C2CD2: variants seen among roughly 807,000 people sequenced by gnomAD.
C2CD2 encodes C2 domain-containing protein 2.
C2CD2 carries 43 observed loss-of-function variants against 74.3 expected under a neutral mutation model. That is an observed-to-expected ratio of 0.58 (90% confidence interval 0.45 to 0.75). The LOEUF is 0.75. Among genes scored for constraint, C2CD2 ranks in the 30% least tolerant of loss-of-function variants. C2CD2 has a pLI of 0.00. For missense variants in C2CD2, 801 were observed against 916.3 expected (o/e 0.87, Z 1.63); for synonymous variants, 422 against 390.7 (o/e 1.08, Z -0.94).
rs756400909 is a variant in C2CD2 at position 41,926,074 on chromosome 21, G to A, written c.379-3989C>T. Among the ~76,000 whole-genome samples, 1 of 152,116 alleles carries A rather than the reference G, an allele frequency of 6.6e-6. No individual in the cohort carries two copies. The highest frequency in any genetic ancestry group is 1.5e-5 in the Non-Finnish European group (1 of 68,026). On this transcript the variant is annotated intron_variant, in intron 2 of 13. Transcript: ENST00000380486. The surrounding 1 kb of genome is among the most constrained non-coding windows in gnomAD (Gnocchi z 8.0). ...AAATAGAAGCAATTATTTGGCATAG[G>A]CGGCAGTGACAGTGAACTCCTCAGA...
In C2CD2 at chr21:41,945,807, C is replaced by T. The variant is rs1008437971; in HGVS notation, c.280-3562G>A. ...TGCCGCCTTATGAAGAAGGTGACGG[C>T]TTTCCCTACCATCATGATTGTAAGT... On this transcript the variant is annotated intron_variant, in intron 1 of 13. Transcript: ENST00000380486. This position sits in a 1 kb window ranked among gnomAD's most constrained non-coding sequence, Gnocchi z 4.2. Among the ~76,000 whole-genome samples, 1 of 152,224 alleles carries T rather than the reference C, an allele frequency of 6.6e-6. No individual in the cohort carries two copies. The highest frequency in any genetic ancestry group is 2.4e-5 in the African/African-American group (1 of 41,458).
intron 1 of C2CD2, among the ~76,000 whole-genome samples, chr21:41,944,681 C>T (rs2065384655): frequency 1.3e-5 from 2 of 152,164 alleles, no homozygotes; most frequent in East Asian, 1.9e-4. Context: ...CTGCCTGCCA[C>T]ACACAACCAC....
intron 1 of C2CD2, among the ~76,000 whole-genome samples, chr21:41,952,340 G>C (rs965968132): frequency 1.3e-5 from 2 of 152,202 alleles, no homozygotes; most frequent in African/African-American, 4.8e-5. Flanking sequence ...CCATGCACAA[G>C]GACCAGGCAC....
In C2CD2 at chr21:41,926,462, G is replaced by T. The variant is rs2065214132; in HGVS notation, c.379-4377C>A. 2 of 943,826 alleles carry T rather than the reference G, an allele frequency of 2.1e-6. No homozygotes were observed. Among genetic ancestry groups the T allele is most frequent in the Non-Finnish European group, 2.5e-6 (2 of 792,014 alleles). 58.5% of individuals were successfully genotyped at this position (943,826 alleles called of 1,614,324 possible). A position where few individuals can be genotyped will look rare whatever the true frequency, so the allele number is the denominator to read the frequency against. On this transcript the variant is annotated intron_variant, in intron 2 of 13. Transcript: ENST00000380486. The surrounding 1 kb of genome is among the most constrained non-coding windows in gnomAD (Gnocchi z 8.0). Reference sequence around the variant, plus strand: ...GGGCAGCAGATGGAAGCACCACGGGGAGGGGAAAACAAGACTGAAGGCTGA... The same window carrying T: ...GGGCAGCAGATGGAAGCACCACGGGTAGGGGAAAACAAGACTGAAGGCTGA...
chr21:41,943,436 G>A (rs564917466), intron 1 of C2CD2, among the ~76,000 whole-genome samples: 2 of 152,328 alleles, frequency 1.3e-5, no homozygotes, highest in South Asian at 2.1e-4. Context: ...GCTCTCGAGA[G>A]GCCAAACGTG....
In C2CD2 at chr21:41,926,387, C is replaced by T. The variant is rs1314615125; in HGVS notation, c.379-4302G>A. ...AAGTCAGGGTCTCCACATGGAAAGG[C>T]CAAGGGGGGACTCACGGTTGGCAGG... On this transcript the variant is annotated intron_variant, in intron 2 of 13. Coordinates refer to ENST00000380486, the MANE Select transcript of C2CD2 (RefSeq NM_015500.2). The surrounding 1 kb of genome is among the most constrained non-coding windows in gnomAD (Gnocchi z 8.0). The T allele has an allele frequency of 1.0e-5, 10 of 978,332 alleles. No homozygotes were observed. Among genetic ancestry groups the T allele is most frequent in the Non-Finnish European group, 1.2e-5 (10 of 823,570 alleles). The allele number at this position is 978,332 out of a possible 1,614,324, so 60.6% of individuals were successfully genotyped here. A position where few individuals can be genotyped will look rare whatever the true frequency, so the allele number is the denominator to read the frequency against.
Position 41,915,575 on chromosome 21 carries a change from T to C in C2CD2, c.721-854A>G, listed in dbSNP as rs545374029. Among the ~76,000 whole-genome samples the C allele has an allele frequency of 4.2e-3, 638 of 152,208 alleles. 2 individuals carry two copies. The highest frequency in any genetic ancestry group is 0.01 in the Middle Eastern group (3 of 294). The stretch of plus-strand genomic sequence containing the variant: ...CCTGAGCCTCCTGAGTAGCTGGGAT[T>C]ACAGGTGCCCGCCACCACACCCGGC... On this transcript the variant is annotated intron_variant, in intron 5 of 13. Coordinates refer to ENST00000380486, the MANE Select transcript of C2CD2 (RefSeq NM_015500.2).
chr21:41,889,344 C>T lies in C2CD2; in HGVS notation c.1871G>A (p.Gly624Glu). The change falls in exon 14 of 14, where the codon GGA becomes GAA. Residue 624 changes from glycine (G) to glutamate (E), a missense_variant and splice_region_variant. Coordinates refer to ENST00000380486, the MANE Select transcript of C2CD2 (RefSeq NM_015500.2). ...CTTTGCACCTTTCCTTAGAATTCCTCCTGGAAGAGGGAGGCACAAGGGCTG... is the reference window on the plus strand; with the variant it reads ...CTTTGCACCTTTCCTTAGAATTCCTTCTGGAAGAGGGAGGCACAAGGGCTG... ...LEPGTAKKHKGGILRKGAKLF... is the reference protein window; with the variant it reads ...LEPGTAKKHKEGILRKGAKLF... 2 of 1,610,990 alleles carry T rather than the reference C, an allele frequency of 1.2e-6. No individual in the cohort carries two copies. Among genetic ancestry groups the T allele is most frequent in the South Asian group, 1.1e-5 (1 of 90,900 alleles).
At chr21:41,900,448 C>T (rs1182246055) in intron 12 of C2CD2, among the ~76,000 whole-genome samples, 6 of 152,178 alleles carry the variant, frequency 3.9e-5, no homozygotes. Context: ...TTATTTTGCT[C>T]ATTCATTCAC....
rs901386876 is a variant in C2CD2 at position 41,892,918 on chromosome 21, G to A, written c.1871-3574C>T. ...GAAGCTGACGCAGCCCACCCGCAGG[G>A]CCCGGTGCCACGCCAGAGACGCGCG... On this transcript the variant is annotated intron_variant, in intron 13 of 13. Transcript: ENST00000380486. The surrounding 1 kb of genome is among the most constrained non-coding windows in gnomAD (Gnocchi z 4.6). Among the ~76,000 whole-genome samples the A allele has an allele frequency of 6.6e-6, 1 of 152,386 alleles. No homozygotes were observed. The highest frequency in any genetic ancestry group is 1.9e-4 in the East Asian group (1 of 5,188).
At chr21:41,908,071 C>T (rs984148506) in intron 8 of C2CD2, 2 of 411,262 alleles carry the variant, frequency 4.9e-6, no homozygotes, top group South Asian at 2.6e-5. Context: ...ATCACGGGGT[C>T]GTCCAGTGAC....
At chr21:41,949,895 A>C (rs2065436012) in intron 1 of C2CD2, among the ~76,000 whole-genome samples, 1 of 152,156 alleles carries the variant, frequency 6.6e-6, no homozygotes, top group Admixed American at 6.5e-5. Flanking sequence ...AGGACAGAAA[A>C]CCAAACACCG....
chr21:41,943,969 C>T (rs1044650769), intron 1 of C2CD2, among the ~76,000 whole-genome samples: 4 of 152,180 alleles, frequency 2.6e-5, no homozygotes, highest in Non-Finnish European at 4.4e-5. Flanking sequence ...GGTGATGAGA[C>T]GGTTCTGTGC....
chr21:41,952,793 C>T (rs2065460375), intron 1 of C2CD2, among the ~76,000 whole-genome samples: 1 of 152,212 alleles, frequency 6.6e-6, no homozygotes, highest in Admixed American at 6.5e-5. Context: ...ATCTGTAAAA[C>T]AGTGATAACA....
chr21:41,893,173 T>C (rs549352886), intron 13 of C2CD2, among the ~76,000 whole-genome samples: 59 of 152,284 alleles, frequency 3.9e-4, no homozygotes, highest in African/African-American at 1.3e-3. Context: ...TTAAACTTTT[T>C]TTAAAAGAAA....
chr21:41,949,723 G>A (rs2065434402), intron 1 of C2CD2, among the ~76,000 whole-genome samples: 1 of 152,188 alleles, frequency 6.6e-6, no homozygotes, highest in Admixed American at 6.5e-5. Context: ...CAATAGCAAA[G>A]ACTTGGAACC....
chr21:41,942,504 T>A (rs923316096), intron 1 of C2CD2, among the ~76,000 whole-genome samples: 1 of 152,144 alleles, frequency 6.6e-6, no homozygotes, highest in Admixed American at 6.5e-5. Context: ...GGAGTAAACC[T>A]GAAGATGCTG....
Position 41,922,089 on chromosome 21 carries a change from G to A in C2CD2, c.379-4C>T. The A allele has an allele frequency of 1.9e-6, 3 of 1,581,492 alleles. No homozygotes were observed. The highest frequency in any genetic ancestry group is 2.6e-6 in the Non-Finnish European group (3 of 1,150,356). On this transcript the variant is annotated splice_polypyrimidine_tract_variant and splice_region_variant and intron_variant, in intron 2 of 13. Transcript: ENST00000380486. ...CCACCACGTGACAGACCACCACCTG[G>A]AGGAGGCACAGGTAAGGGAGAAAAC...
At chr21:41,909,378 A>T in intron 8 of C2CD2, 81 bp downstream of exon 8, 1 of 929,924 alleles carries the variant, frequency 1.1e-6, no homozygotes, top group Non-Finnish European at 1.8e-6. Flanking sequence ...TGGATCTCCC[A>T]CCGCCCTTTT....
Sources: gnomAD v4.1 joint callset for allele counts (sites outside exome capture counted in the v4.1 genomes callset) on GRCh38, gnomAD v4.1.1 for gene constraint, Gnocchi (gnomAD v3.1) non-coding constraint, MANE v1.5 for transcripts, NCBI Gene and HGNC (gene_info 2026-07-23, HGNC 2026-07-21) for gene names.